RAP1GAP2: variants seen among roughly 807,000 people sequenced by gnomAD.
The protein encoded by RAP1GAP2 is rap1 GTPase-activating protein 2.
Under a neutral mutation model 95.0 loss-of-function variants are expected in RAP1GAP2, and 27 were observed. The ratio of observed to expected loss-of-function variants is 0.28; its 90% CI spans 0.21 to 0.39. The LOEUF (loss-of-function observed/expected upper bound fraction) is 0.39. Ranked by LOEUF, RAP1GAP2 falls within the 10% of genes least tolerant of loss-of-function variation. The pLI, the probability that RAP1GAP2 is intolerant of heterozygous loss-of-function variation, is 1.00. For synonymous variants in RAP1GAP2, 373 were observed against 380.9 expected (o/e 0.98, Z 0.24); for missense variants, 771 against 970.0 (o/e 0.79, Z 2.72).
chr17:2,948,871 G>A (rs980163059), intron 3 of RAP1GAP2, among the ~76,000 whole-genome samples: 17 of 152,322 alleles, frequency 1.1e-4, no homozygotes, highest in African/African-American at 3.8e-4. Context: ...ATCTTTTCCC[G>A]TCGCTTCTTC....
intron 1 of RAP1GAP2, among the ~76,000 whole-genome samples, chr17:2,758,399 C>T (rs527590129): frequency 2.4e-4 from 37 of 151,968 alleles, no homozygotes; most frequent in African/African-American, 8.2e-4. Context: ...TGGTCTTGAT[C>T]TCTGACTTTG....
chr17:2,763,019 G>A (rs1455630886), intron 1 of RAP1GAP2, among the ~76,000 whole-genome samples: 1 of 152,114 alleles, frequency 6.6e-6, no homozygotes, highest in Non-Finnish European at 1.5e-5. Context: ...GAAAAGGTTG[G>A]CCCTCTGTAG....
chr17:2,929,507 T>C (rs1362713831), intron 3 of RAP1GAP2, among the ~76,000 whole-genome samples: 2 of 152,124 alleles, frequency 1.3e-5, no homozygotes, highest in Non-Finnish European at 2.9e-5. Context: ...GCCTGGGGCA[T>C]CTCCTGGGGC....
Position 2,796,509 on chromosome 17 carries a change from G to C in RAP1GAP2, c.-19G>C. The C allele has an allele frequency of 6.4e-7, 1 of 1,555,288 alleles. No individual in the cohort carries two copies. ...GTCGTTGGGACATCGCTGGGACCCC[G>C]GGCTCTGCAGCCACAACCATGTTTG... On this transcript the variant is annotated 5_prime_UTR_variant, in exon 1 of 25. Coordinates refer to ENST00000254695, the MANE Select transcript of RAP1GAP2 (RefSeq NM_015085.5). The surrounding 1 kb of genome is among the most constrained non-coding windows in gnomAD (Gnocchi z 4.7).
Position 3,008,267 on chromosome 17 carries a change from A to G in RAP1GAP2, c.1494+122A>G. On this transcript the variant is annotated intron_variant, in intron 17 of 24. Coordinates refer to ENST00000254695, the MANE Select transcript of RAP1GAP2 (RefSeq NM_015085.5). The surrounding 1 kb of genome is among the most constrained non-coding windows in gnomAD (Gnocchi z 4.2). ...AGGGCCAGCTGGAGGGGTGACAGGA[A>G]ACGTATGGGTATCCTAGGTGTTTGC... is the stretch of plus-strand genomic sequence containing the variant. The G allele has an allele frequency of 7.2e-7, 1 of 1,393,940 alleles. No homozygotes were observed. The highest frequency in any genetic ancestry group is 9.9e-7 in the Non-Finnish European group (1 of 1,013,558). 86.3% of individuals were successfully genotyped at this position (1,393,940 alleles called of 1,614,324 possible).
chr17:2,800,928 C>A (rs2069266893), intron 2 of RAP1GAP2, among the ~76,000 whole-genome samples: 1 of 150,332 alleles, frequency 6.7e-6, no homozygotes, highest in Non-Finnish European at 1.5e-5. Flanking sequence ...CTGCTCACTG[C>A]AACCTCCACC....
intron 2 of RAP1GAP2, among the ~76,000 whole-genome samples, chr17:2,836,439 C>T (rs1244064405): frequency 6.6e-6 from 1 of 151,978 alleles, no homozygotes; most frequent in East Asian, 1.9e-4. Context: ...CAAGATCATC[C>T]TGACCAACAT....
chr17:2,980,550 C>T (rs374340915), intron 9 of RAP1GAP2, among the ~76,000 whole-genome samples, 185 bp downstream of exon 9: 2 of 152,320 alleles, frequency 1.3e-5, no homozygotes, highest in East Asian at 3.9e-4. Flanking sequence ...CTCTGTCTTT[C>T]CTACGCCCTC....
In RAP1GAP2 at chr17:2,903,270, A is replaced by C. The variant is rs1414725376; in HGVS notation, c.81-2014A>C. 1.3e-5 allele frequency among the ~76,000 whole-genome samples: 2 copies of C among 152,042 alleles called. No individual in the cohort carries two copies. Among genetic ancestry groups the C allele is most frequent in the African/African-American group, 4.8e-5 (2 of 41,406 alleles). On this transcript the variant is annotated intron_variant, in intron 2 of 24. Coordinates refer to ENST00000254695, the MANE Select transcript of RAP1GAP2 (RefSeq NM_015085.5). This position sits in a 1 kb window ranked among gnomAD's most constrained non-coding sequence, Gnocchi z 4.1. ...TTCCTTTCCCCCATCATGGCTCTTA[A>C]AGGCCAGGCCCATTGAGGAGGAGCT...
intron 2 of RAP1GAP2, among the ~76,000 whole-genome samples, chr17:2,891,327 G>C (rs763450822): frequency 2.0e-5 from 3 of 151,586 alleles, no homozygotes; most frequent in Admixed American, 6.6e-5. Context: ...TTTGTGGAGA[G>C]ACATGGTCTC....
rs189539064 is a variant in RAP1GAP2, at chr17:2,970,231, G to A, written c.596+4588G>A. Among the ~76,000 whole-genome samples the A allele has an allele frequency of 3.2e-3, 445 of 137,180 alleles. 7 individuals are homozygous for A. The highest frequency in any genetic ancestry group is 0.025 in the South Asian group (106 of 4,294). 90.0% of individuals were successfully genotyped at this position (137,180 alleles called of 152,430 possible). On this transcript the variant is annotated intron_variant, in intron 8 of 24. Coordinates refer to ENST00000254695, the MANE Select transcript of RAP1GAP2 (RefSeq NM_015085.5). ...GCAGGTTGCAGTGAGCCGATTTGGC[G>A]CCACTGCACTTCGGCCTGGGCGACA...
upstream of RAP1GAP2, among the ~76,000 whole-genome samples, chr17:2,795,816 G>T (rs2069062043): frequency 6.6e-6 from 1 of 152,152 alleles, no homozygotes; most frequent in Non-Finnish European, 1.5e-5. Context: ...ATGTGCACGG[G>T]AGCGTGTGTG....
At position 3,005,350 on chromosome 17, in the gene RAP1GAP2, A is replaced by T; in HGVS notation, c.1201-19A>T. 5.0e-6 allele frequency: 8 copies of T among 1,611,886 alleles called. No homozygotes were observed. The highest frequency in any genetic ancestry group is 6.8e-6 in the Non-Finnish European group (8 of 1,177,962). On this transcript the variant is annotated intron_variant, in intron 14 of 24. Transcript: ENST00000254695. The surrounding 1 kb of genome is among the most constrained non-coding windows in gnomAD (Gnocchi z 5.2). ...CGTCTCTTCCCTCCAGGTCCGTACCATGACTCTGTTTCACTCAGGTCTCTG... is the reference window on the plus strand; with the variant it reads ...CGTCTCTTCCCTCCAGGTCCGTACCTTGACTCTGTTTCACTCAGGTCTCTG...
At chr17:2,783,535 C>T (rs118124362) in intron 1 of RAP1GAP2, among the ~76,000 whole-genome samples, 4,905 of 152,322 alleles carry the variant, frequency 0.032, 112 homozygotes, top group Non-Finnish European at 0.05. Context: ...CTGTCTCTTA[C>T]ACAACAGGGA....
intron 2 of RAP1GAP2, among the ~76,000 whole-genome samples, chr17:2,853,362 T>C (rs1254092301): frequency 6.6e-6 from 1 of 151,680 alleles, no homozygotes; most frequent in East Asian, 2.0e-4. Context: ...CGTTTCCTCT[T>C]GGTGCCTGTT....
chr17:3,012,823 C>G (rs9908715), intron 17 of RAP1GAP2, among the ~76,000 whole-genome samples: 2 of 151,820 alleles, frequency 1.3e-5, no homozygotes, highest in Non-Finnish European at 2.9e-5. Context: ...TTGAACGATG[C>G]TGATCTCTAG....
At chr17:2,928,395 G>T (rs1260483873) in intron 3 of RAP1GAP2, among the ~76,000 whole-genome samples, 1 of 152,106 alleles carries the variant, frequency 6.6e-6, no homozygotes, top group African/African-American at 2.4e-5. Context: ...AGGACCAGGG[G>T]CACCCTCTGT....
intron 2 of RAP1GAP2, among the ~76,000 whole-genome samples, chr17:2,894,194 C>T (rs868248898): frequency 3.3e-5 from 5 of 151,676 alleles, no homozygotes; most frequent in Admixed American, 6.6e-5. Context: ...TTTGGGAGGC[C>T]AAGGCAGGCA....
chr17:2,957,880 A>G (rs1040427613), intron 4 of RAP1GAP2, 86 bp downstream of exon 4: 5 of 1,353,264 alleles, frequency 3.7e-6, no homozygotes, highest in Non-Finnish European at 5.0e-6. Flanking sequence ...CACGGGCAGA[A>G]GCCGGGTGCC....
Sources: allele counts gnomAD v4.1 joint callset (sites outside exome capture counted in the v4.1 genomes callset), GRCh38; gene constraint gnomAD v4.1.1; non-coding constraint Gnocchi (gnomAD v3.1); transcripts MANE v1.5; gene names NCBI Gene and HGNC (gene_info 2026-07-23, HGNC 2026-07-21).